SCAF8: variants seen among roughly 807,000 people sequenced by gnomAD.
SCAF8 encodes SR-related CTD associated factor 8.
A neutral mutation model predicts 140.5 loss-of-function variants in SCAF8; 23 were observed. That is an observed-to-expected ratio of 0.16 (90% CI 0.12 to 0.23). SCAF8 has a LOEUF of 0.23. Among genes scored for constraint, SCAF8 ranks in the 10% least tolerant of loss-of-function variants. The pLI is 1.00. For missense variants in SCAF8, 1,397 were observed against 1,555.7 expected, an observed-to-expected ratio of 0.90 and a Z score of 1.72; for synonymous variants, 575 against 528.9, an observed-to-expected ratio of 1.09 and a Z score of -1.20.
intron 2 of SCAF8, among the ~76,000 whole-genome samples, chr6:154,777,589 A>C (rs181145327): frequency 6.6e-6 from 1 of 152,210 alleles, no homozygotes; most frequent in Non-Finnish European, 1.5e-5. Flanking sequence ...TTGATTTTTC[A>C]AATTTCCCTT....
intron 1 of SCAF8, among the ~76,000 whole-genome samples, chr6:154,740,728 C>A (rs1006179823): frequency 4.6e-5 from 7 of 151,322 alleles, no homozygotes; most frequent in African/African-American, 1.5e-4. Context: ...AAGCAATTCT[C>A]CCACCTCAGC....
At chr6:154,784,674 A>G (rs1228098549) in intron 3 of SCAF8, among the ~76,000 whole-genome samples, 1 of 152,212 alleles carries the variant, frequency 6.6e-6, no homozygotes, top group Admixed American at 6.5e-5. Flanking sequence ...GAGCTGATTT[A>G]AAGTAGATGG....
intron 1 of SCAF8, among the ~76,000 whole-genome samples, chr6:154,750,177 A>G (rs1778804119): frequency 6.6e-6 from 1 of 152,038 alleles, no homozygotes; most frequent in Non-Finnish European, 1.5e-5. Context: ...CTCACTGTGG[A>G]CGGAGGCTTA....
At chr6:154,748,822 G>T (rs897290509) in intron 1 of SCAF8, among the ~76,000 whole-genome samples, 11 of 152,212 alleles carry the variant, frequency 7.2e-5, no homozygotes, top group South Asian at 4.1e-4. Flanking sequence ...TCATTCTTGT[G>T]CAAAATTTCC....
intron 2 of SCAF8, among the ~76,000 whole-genome samples, chr6:154,777,242 A>G (rs556695957): frequency 1.3e-5 from 2 of 152,246 alleles, no homozygotes; most frequent in South Asian, 2.1e-4. Context: ...AACAGAAATC[A>G]TACGCCAATA....
rs543634880 is a variant in SCAF8, at chr6:154,743,945, A to C, written c.30+10015A>C. Among the ~76,000 whole-genome samples, 97 of 152,298 alleles carry C rather than the reference A, an allele frequency of 6.4e-4. 5 individuals carry two copies. In the South Asian group the frequency reaches 0.017, roughly 27 times the overall value. On this transcript the variant is annotated intron_variant, in intron 1 of 19. Transcript: ENST00000367178. Reference sequence around the variant, plus strand: ...TCTGTAACAGCTGCTCACTATGATGAAAAAAATCTCTTACATATTTTTGAA... The same window carrying C: ...TCTGTAACAGCTGCTCACTATGATGCAAAAAATCTCTTACATATTTTTGAA...
intron 6 of SCAF8, among the ~76,000 whole-genome samples, chr6:154,800,710 G>T (rs570376438): frequency 1.3e-5 from 2 of 151,036 alleles, no homozygotes; most frequent in Admixed American, 1.3e-4. Flanking sequence ...GAAAACATGG[G>T]GCCATTCTAG....
intron 6 of SCAF8, among the ~76,000 whole-genome samples, chr6:154,796,389 C>CTCTCTCTCTCTCTCTCTCTCTCTCTCTG (rs376622207): frequency 7.1e-5 from 10 of 140,968 alleles, no homozygotes; most frequent in African/African-American, 2.2e-4. Flanking sequence ...CTCTCTCTCT[C>CTCTCTCTCTCTCTCTCTCTCTCTCTCTG]TCTGTCTCTC....
At chr6:154,747,208 C>G (rs1024132669) in intron 1 of SCAF8, among the ~76,000 whole-genome samples, 1 of 152,134 alleles carries the variant, frequency 6.6e-6, no homozygotes, top group East Asian at 1.9e-4. Flanking sequence ...TCGTCTTTTA[C>G]AAAGCTTAAA....
intron 5 of SCAF8, among the ~76,000 whole-genome samples, chr6:154,794,780 G>GGGGTGTGT (rs1777544977): frequency 3.2e-4 from 4 of 12,530 alleles, no homozygotes; most frequent in Non-Finnish European, 5.3e-4. Context: ...GGGTGTGGGG[G>GGGGTGTGT]GTGTGTGTGT....
rs779018723 is a variant in SCAF8 at position 154,824,272 on chromosome 6, C to A, written c.1965C>A (p.Val655=). 6.2e-7 allele frequency: 1 copy of A among 1,613,878 alleles called. No homozygotes were observed. The highest frequency in any genetic ancestry group is 1.3e-5 in the African/African-American group (1 of 74,894). ...CAGCCGTGCCTACAGTTAGTTTAGT[C>A]CCACCAGCATTTCCTGTGTCGATGC... ...VAPAVPTVSL[V]PPAFPVSMPV... is the part of the protein sequence containing the mutation. Residue 655 remains valine, a synonymous_variant, in exon 17 of 20, where the codon GTC becomes GTA. Transcript: ENST00000367178.
At chr6:154,747,646 C>T (rs73010915) in intron 1 of SCAF8, among the ~76,000 whole-genome samples, 2,551 of 152,260 alleles carry the variant, frequency 0.017, 27 homozygotes, top group Non-Finnish European at 0.023. Flanking sequence ...TAATAACTTG[C>T]TACTTGTAAA....
At chr6:154,767,402 G>T in intron 1 of SCAF8, among the ~76,000 whole-genome samples, 1 of 151,176 alleles carries the variant, frequency 6.6e-6, no homozygotes, top group Non-Finnish European at 1.5e-5. Flanking sequence ...CCAGAATAAG[G>T]TACTTTCATC....
intron 15 of SCAF8, among the ~76,000 whole-genome samples, chr6:154,821,052 A>G (rs1294207175): frequency 2.0e-5 from 3 of 152,034 alleles, no homozygotes; most frequent in Non-Finnish European, 2.9e-5. Flanking sequence ...TGTCAGGCCT[A>G]TTCCTCACCC....
intron 1 of SCAF8, among the ~76,000 whole-genome samples, chr6:154,773,630 A>G (rs7744421): frequency 0.56 from 84,857 of 152,036 alleles, 25,525 homozygotes; most frequent in East Asian, 0.91. Context: ...ACATACCTAG[A>G]AGTGGAATTG....
In SCAF8 at chr6:154,766,879, G is replaced by T. The variant is rs146164967; in HGVS notation, c.31-7110G>T. Among the ~76,000 whole-genome samples the T allele has an allele frequency of 2.6e-5, 4 of 151,944 alleles. No individual in the cohort carries two copies. The East Asian group carries it at 5.8e-4, about 22-fold the overall frequency. ...CCAGACTTATATGATGTTCTATTGG[G>T]GTTCTCTTCCACAGCATTGACAATC... On this transcript the variant is annotated intron_variant, in intron 1 of 19. Transcript: ENST00000367178.
At chr6:154,776,055 T>A (rs1259606906) in intron 2 of SCAF8, among the ~76,000 whole-genome samples, 1 of 151,990 alleles carries the variant, frequency 6.6e-6, no homozygotes, top group Non-Finnish European at 1.5e-5. Context: ...ATGCAAAAAA[T>A]TTCACTTTGA....
At chr6:154,799,928 G>A (rs1777721414) in intron 6 of SCAF8, among the ~76,000 whole-genome samples, 1 of 151,112 alleles carries the variant, frequency 6.6e-6, no homozygotes, top group Admixed American at 6.6e-5. Flanking sequence ...GGGATTACAG[G>A]CTTCTGCTAC....
intron 1 of SCAF8, among the ~76,000 whole-genome samples, chr6:154,772,822 C>T (rs1232771270): frequency 1.3e-5 from 2 of 151,992 alleles, no homozygotes; most frequent in Non-Finnish European, 2.9e-5. Flanking sequence ...TGTAGTAGTG[C>T]AATCTCTGCT....
Sources: gnomAD v4.1 joint callset for allele counts (sites outside exome capture counted in the v4.1 genomes callset) on GRCh38, gnomAD v4.1.1 for gene constraint, MANE v1.5 for transcripts, NCBI Gene and HGNC (gene_info 2026-07-23, HGNC 2026-07-21) for gene names.